ZBTB20: variants seen among roughly 807,000 people sequenced by gnomAD.
The protein encoded by ZBTB20 is zinc finger and BTB domain-containing protein 20.
In ZBTB20, 9 loss-of-function variants were observed where a neutral mutation model predicts 56.9. That is an observed-to-expected ratio of 0.16 (90% CI 0.10 to 0.28). ZBTB20 has a LOEUF of 0.28. Among genes scored for constraint, ZBTB20 ranks in the 10% least tolerant of loss-of-function variants. ZBTB20 has a pLI of 1.00. For missense variants in ZBTB20, 655 were observed against 1,003.0 expected, an observed-to-expected ratio of 0.65 and a Z score of 4.69; for synonymous variants, 417 against 420.7, an observed-to-expected ratio of 0.99 and a Z score of 0.11.
intron 2 of ZBTB20, among the ~76,000 whole-genome samples, chr3:115,059,298 T>C (rs1038740252): frequency 1.3e-5 from 2 of 152,220 alleles, no homozygotes; most frequent in Non-Finnish European, 2.9e-5. Context: ...CACAAAGTAT[T>C]AGACATTTTT....
chr3:114,679,832 C>A (rs531598127), intron 6 of ZBTB20, among the ~76,000 whole-genome samples: 66 of 152,258 alleles, frequency 4.3e-4, no homozygotes, highest in African/African-American at 1.5e-3. Context: ...AAGACTCATG[C>A]ACACATATGT....
intron 4 of ZBTB20, among the ~76,000 whole-genome samples, chr3:114,856,383 C>A (rs528019722): frequency 6.6e-6 from 1 of 152,180 alleles, no homozygotes; most frequent in South Asian, 2.1e-4. Flanking sequence ...AATACCCCTT[C>A]AGTAAAAGAA....
intron 1 of ZBTB20, among the ~76,000 whole-genome samples, chr3:115,139,387 A>T (rs1482987838): frequency 2.0e-5 from 3 of 152,100 alleles, no homozygotes; most frequent in Non-Finnish European, 4.4e-5. Context: ...TATATCAAGT[A>T]GGTATATAGA....
chr3:114,399,591 C>A (rs1363394452), intron 7 of ZBTB20, among the ~76,000 whole-genome samples: 1 of 152,054 alleles, frequency 6.6e-6, no homozygotes, highest in Admixed American at 6.6e-5. Flanking sequence ...GTTTTCCTGT[C>A]ATGTCAATAC....
intron 5 of ZBTB20, among the ~76,000 whole-genome samples, chr3:114,775,986 T>C (rs1220323967): frequency 6.6e-6 from 1 of 151,586 alleles, no homozygotes; most frequent in African/African-American, 2.4e-5. Flanking sequence ...CCCTGTAAAA[T>C]CTTGATGCCT....
At chr3:114,784,694 A>C (rs759716218) in intron 5 of ZBTB20, among the ~76,000 whole-genome samples, 2 of 152,236 alleles carry the variant, frequency 1.3e-5, no homozygotes, top group Non-Finnish European at 2.9e-5. Context: ...TATTGAAAAG[A>C]AGGATGAATA....
chr3:114,790,858 A>T (rs2070913726), intron 5 of ZBTB20, among the ~76,000 whole-genome samples: 1 of 152,096 alleles, frequency 6.6e-6, no homozygotes. Context: ...TAAAAGAAGT[A>T]ATATATCACT....
intron 4 of ZBTB20, among the ~76,000 whole-genome samples, chr3:114,862,528 AG>A (rs2075581158): frequency 6.6e-6 from 1 of 152,174 alleles, no homozygotes; most frequent in Non-Finnish European, 1.5e-5. Flanking sequence ...CTTTAAAAAT[AG>A]TAGTTATCAA....
intron 6 of ZBTB20, among the ~76,000 whole-genome samples, chr3:114,576,221 C>T (rs989045317): frequency 3.9e-5 from 6 of 151,942 alleles, no homozygotes; most frequent in African/African-American, 1.2e-4. Flanking sequence ...ATAATTTAGC[C>T]GGGCGTGGTG....
chr3:114,463,481 T>C (rs942998780), intron 7 of ZBTB20, among the ~76,000 whole-genome samples: 1 of 152,204 alleles, frequency 6.6e-6, no homozygotes, highest in Non-Finnish European at 1.5e-5. Context: ...AAATAGACAC[T>C]GCTGCAGAAT....
chr3:114,442,375 A>G (rs897721473), intron 7 of ZBTB20, among the ~76,000 whole-genome samples: 3 of 152,166 alleles, frequency 2.0e-5, no homozygotes, highest in African/African-American at 7.2e-5. Context: ...TGCAGATGCT[A>G]CTGTCTCTCT....
chr3:114,888,928 T>G (rs2076706135), intron 4 of ZBTB20, among the ~76,000 whole-genome samples: 1 of 152,134 alleles, frequency 6.6e-6, no homozygotes, highest in Non-Finnish European at 1.5e-5. Context: ...AACTTTCAGA[T>G]AGTCCTACCT....
At chr3:114,695,679 A>T (rs2062965403) in intron 5 of ZBTB20, among the ~76,000 whole-genome samples, 1 of 152,030 alleles carries the variant, frequency 6.6e-6, no homozygotes, top group East Asian at 1.9e-4. Flanking sequence ...AACTTCTTGT[A>T]TACAGAACTA....
intron 6 of ZBTB20, among the ~76,000 whole-genome samples, chr3:114,512,342 T>G (rs369057090): frequency 7.9e-5 from 12 of 152,240 alleles, no homozygotes; most frequent in African/African-American, 2.6e-4. Context: ...ATTCATTCAT[T>G]AATTCAACAA....
At chr3:114,988,304 C>T (rs544901969) in intron 2 of ZBTB20, among the ~76,000 whole-genome samples, 16 of 147,594 alleles carry the variant, frequency 1.1e-4, no homozygotes, top group East Asian at 1.0e-3. Context: ...CCGGTGTCCA[C>T]GTGTTCTCAT....
intron 1 of ZBTB20, among the ~76,000 whole-genome samples, chr3:115,094,267 A>G (rs1436455905): frequency 9.9e-5 from 15 of 152,106 alleles, no homozygotes; most frequent in African/African-American, 3.6e-4. Context: ...GGTCAGAACC[A>G]GAGTATATTT....
At chr3:114,710,418 C>T (rs1483113406) in intron 5 of ZBTB20, 1 of 152,220 alleles carries the variant, frequency 6.6e-6, no homozygotes, top group Non-Finnish European at 1.5e-5. Context: ...TACTACATCT[C>T]TTTATTTGGA....
At chr3:114,462,503 C>T (rs1195604259) in intron 7 of ZBTB20, among the ~76,000 whole-genome samples, 1 of 152,152 alleles carries the variant, frequency 6.6e-6, no homozygotes, top group African/African-American at 2.4e-5. Flanking sequence ...TCCAATGACA[C>T]TCAGTTTTAG....
intron 2 of ZBTB20, among the ~76,000 whole-genome samples, chr3:114,987,551 G>A (rs2078600530): frequency 6.6e-6 from 1 of 152,136 alleles, no homozygotes; most frequent in African/African-American, 2.4e-5. Flanking sequence ...CACTTGTGAG[G>A]TTTCAATAGC....
Sources: allele counts gnomAD v4.1 joint callset (sites outside exome capture counted in the v4.1 genomes callset), GRCh38; gene constraint gnomAD v4.1.1; transcripts MANE v1.5; gene names NCBI Gene and HGNC (gene_info 2026-07-23, HGNC 2026-07-21).